Variants in NPAS1 observed in about 807,000 individuals in gnomAD.
NPAS1 encodes the protein neuronal PAS domain-containing protein 1.
A neutral mutation model predicts 49.2 loss-of-function variants in NPAS1; 29 were observed. The observed-to-expected ratio is 0.59, with a 90% CI of 0.44 to 0.80. The LOEUF (loss-of-function observed/expected upper bound fraction) is 0.80. NPAS1 is among the 30% of genes least tolerant of loss of function. The pLI is 0.00. For synonymous variants in NPAS1, 408 were observed against 380.4 expected, an observed-to-expected ratio of 1.07 and a Z score of -0.84; for missense variants, 825 against 835.5, an observed-to-expected ratio of 0.99 and a Z score of 0.15.
intron 3 of NPAS1, among the ~76,000 whole-genome samples, chr19:47,024,014 G>A (rs1250705325): frequency 6.6e-6 from 1 of 151,818 alleles, no homozygotes; most frequent in Non-Finnish European, 1.5e-5. Context: ...CTAAGGCAGG[G>A]GAATCACTTG....
rs1034254229 is a variant in NPAS1, at chr19:47,045,092, A to G, written c.1313-99A>G. On this transcript the variant is annotated intron_variant, in intron 11 of 11. Transcript: ENST00000602212. ...AAAAAAAAAACCCCACTCCCAGCTG[A>G]GAACTACAGGTCTGGCCCACTAAGC... is the stretch of plus-strand genomic sequence containing the variant. 5 of 1,140,852 alleles carry G rather than the reference A, an allele frequency of 4.4e-6. No homozygotes were observed. In the African/African-American group the frequency reaches 6.4e-5, roughly 15 times the overall value. The allele number at this position is 1,140,852 out of a possible 1,614,324, so 70.7% of individuals were successfully genotyped here. A position where few individuals can be genotyped will look rare whatever the true frequency, so the allele number is the denominator to read the frequency against.
intron 6 of NPAS1, among the ~76,000 whole-genome samples, chr19:47,037,338 CAAAAA>C (rs869125845): frequency 1.9e-3 from 98 of 51,774 alleles, no homozygotes; most frequent in Middle Eastern, 9.3e-3. Context: ...ACTCCGTCTC[CAAAAA>C]AAAAAAAAAA....
rs779458229 is a variant in NPAS1, at chr19:47,021,214, C to T, written c.122+45C>T. 9.6e-5 allele frequency: 139 copies of T among 1,452,420 alleles called. No homozygotes were observed. The highest frequency in any genetic ancestry group is 1.2e-4 in the Non-Finnish European group (131 of 1,088,896). The allele number at this position is 1,452,420 out of a possible 1,614,324, so 90.0% of individuals were successfully genotyped here. ...CCTGGCCGCGGGCCCCCCCCCGGGT[C>T]CAATTCACACCCGATGTTCTGTCCC... is the stretch of plus-strand genomic sequence containing the variant. On this transcript the variant is annotated intron_variant, in intron 2 of 11. Coordinates refer to ENST00000602212, the MANE Select transcript of NPAS1 (RefSeq NM_002517.4). The surrounding 1 kb of genome is among the most constrained non-coding windows in gnomAD (Gnocchi z 5.7).
intron 3 of NPAS1, among the ~76,000 whole-genome samples, chr19:47,025,949 G>GT (rs199944883): frequency 0.056 from 8,301 of 147,040 alleles, 281 homozygotes; most frequent in East Asian, 0.15. Context: ...TTTGTTTTTT[G>GT]TTTTTTTTGA....
chr19:47,021,545 C>T lies in NPAS1; in HGVS notation c.123-67C>T, dbSNP rs2056841161. ...TCCCAAGGCCCCGGGAGGCGGGGCT[C>T]GCCCCCAGTTCCCAAGCCCCTGAGC... On this transcript the variant is annotated intron_variant, in intron 2 of 11. Coordinates refer to ENST00000602212, the MANE Select transcript of NPAS1 (RefSeq NM_002517.4). This position sits in a 1 kb window ranked among gnomAD's most constrained non-coding sequence, Gnocchi z 5.7. The T allele has an allele frequency of 1.8e-6, 2 of 1,108,766 alleles. No homozygotes were observed. The highest frequency in any genetic ancestry group is 2.4e-6 in the Non-Finnish European group (2 of 818,956). 68.7% of individuals were successfully genotyped at this position (1,108,766 alleles called of 1,614,324 possible). A position where few individuals can be genotyped will look rare whatever the true frequency, so the allele number is the denominator to read the frequency against.
chr19:47,035,913 T>TA (rs2056948942), intron 5 of NPAS1, 51 bp from the exon 6 acceptor site: 1 of 1,462,172 alleles, frequency 6.8e-7, no homozygotes, highest in Middle Eastern at 2.2e-4. Context: ...GCGAGCGAGT[T>TA]ACTGCGCGCG....
At chr19:47,036,423 C>T (rs533139886) in intron 6 of NPAS1, among the ~76,000 whole-genome samples, 1 of 152,334 alleles carries the variant, frequency 6.6e-6, no homozygotes, top group East Asian at 1.9e-4. Flanking sequence ...CCGGCTGTGT[C>T]TGTAAGTGCA....
chr19:47,020,790 G>C (rs1356213951), intron 1 of NPAS1: 14 of 301,918 alleles, frequency 4.6e-5, no homozygotes, highest in Non-Finnish European at 7.3e-5. Flanking sequence ...CGGGCGGCGC[G>C]GGGGAGGCGG....
rs759280181 is a variant in NPAS1 at position 47,021,065 on chromosome 19, C to A, written c.18C>A (p.Pro6=). MAAPY[P]GSGGGSEVKC... is the part of the protein sequence containing the mutation. ...CCCCGGAGATGGCGGCCCCCTATCC[C>A]GGCAGTGGCGGCGGAAGCGAGGTCA... Residue 6 remains proline (P), a synonymous_variant, in exon 2 of 12, where the codon CCC becomes CCA. Coordinates refer to ENST00000602212, the MANE Select transcript of NPAS1 (RefSeq NM_002517.4). The surrounding 1 kb of genome is among the most constrained non-coding windows in gnomAD (Gnocchi z 5.7). The A allele has an allele frequency of 1.2e-6, 2 of 1,606,302 alleles. No individual in the cohort carries two copies. The highest frequency in any genetic ancestry group is 2.7e-5 in the African/African-American group (2 of 74,312).
chr19:47,021,634 A>T lies in NPAS1; in HGVS notation c.145A>T (p.Lys49Ter). 1 of 1,539,312 alleles carries T rather than the reference A, an allele frequency of 6.5e-7. No homozygotes were observed. Residue 49 changes from lysine (K) to a stop codon, truncating the protein, a stop_gained, in exon 3 of 12, where the codon AAG (lysine) becomes TAG (stop). Transcript: ENST00000602212. LOFTEE classifies it high-confidence loss of function. The surrounding 1 kb of genome is among the most constrained non-coding windows in gnomAD (Gnocchi z 5.7). ...GPCLQAQRKE[K>*]SRNAARSRRG... is the part of the protein sequence containing the mutation. The stretch of plus-strand genomic sequence containing the variant: ...CAGCCTGCAGGCGCAGCGCAAGGAG[A>T]AGTCCCGGAACGCGGCGCGCTCGCG...
chr19:47,032,870 CCTTGGCACCCCA>C (rs1338628392), intron 5 of NPAS1, 138 bp downstream of exon 5: 2 of 651,242 alleles, frequency 3.1e-6, no homozygotes, highest in Admixed American at 2.4e-5. Flanking sequence ...AAAGTGTGTT[CCTTGGCACCCCA>C]CATGGCACCC....
In NPAS1 at chr19:47,041,070, G is replaced by A; in HGVS notation, c.1162G>A (p.Gly388Arg). The change falls in exon 10 of 12, where the codon GGG (glycine) becomes AGG (arginine). Residue 388 changes from glycine to arginine, a missense_variant. Coordinates refer to ENST00000602212, the MANE Select transcript of NPAS1 (RefSeq NM_002517.4). ...VWLQSVATVAGSGKSPGEHHV... is the reference protein window; with the variant it reads ...VWLQSVATVARSGKSPGEHHV... ...GCTGCAGTCTGTGGCCACAGTGGCT[G>A]GGAGCGGGAAGAGCCCCGGGGAGCA... The A allele has an allele frequency of 1.9e-6, 3 of 1,596,718 alleles. No individual in the cohort carries two copies. The highest frequency in any genetic ancestry group is 2.6e-6 in the Non-Finnish European group (3 of 1,174,206).
chr19:47,039,356 G>T, intron 7 of NPAS1, 51 bp from the exon 8 acceptor site: 1 of 1,602,270 alleles, frequency 6.2e-7, no homozygotes. Flanking sequence ...TGGTCCTCTT[G>T]CCCCCACTGG....
chr19:47,022,210 A>T (rs1185283346), intron 3 of NPAS1, among the ~76,000 whole-genome samples: 3 of 152,276 alleles, frequency 2.0e-5, no homozygotes. Flanking sequence ...TGGGACGCCC[A>T]TTCGCTAATG....
intron 5 of NPAS1, among the ~76,000 whole-genome samples, chr19:47,035,670 G>A (rs1446069461): frequency 1.1e-4 from 17 of 152,070 alleles, no homozygotes; most frequent in Admixed American, 1.1e-3. Flanking sequence ...GCAGGAGTTG[G>A]GTAAACGGAG....
intron 3 of NPAS1, among the ~76,000 whole-genome samples, chr19:47,026,834 C>G (rs11670230): frequency 2.6e-5 from 4 of 151,974 alleles, no homozygotes; most frequent in East Asian, 1.9e-4. Flanking sequence ...GGTGCCTGTA[C>G]TCCCAGCTAC....
chr19:47,021,363 G>C lies in NPAS1; in HGVS notation c.122+194G>C, dbSNP rs2056839992. ...GTTCTGCTTCTAGTCCCGGTCCTCA[G>C]AATTCACGCCCAACATCTTTAATCT... On this transcript the variant is annotated intron_variant, in intron 2 of 11. Coordinates refer to ENST00000602212, the MANE Select transcript of NPAS1 (RefSeq NM_002517.4). This position sits in a 1 kb window ranked among gnomAD's most constrained non-coding sequence, Gnocchi z 5.7. Among the ~76,000 whole-genome samples the C allele has an allele frequency of 6.6e-6, 1 of 152,244 alleles. No individual in the cohort carries two copies. Among genetic ancestry groups the C allele is most frequent in the African/African-American group, 2.4e-5 (1 of 41,462 alleles).
intron 3 of NPAS1, among the ~76,000 whole-genome samples, chr19:47,028,254 G>T (rs986753359): frequency 6.6e-6 from 1 of 152,154 alleles, no homozygotes; most frequent in Non-Finnish European, 1.5e-5. Flanking sequence ...CACCCGGCTG[G>T]TTCCGAGCTG....
At chr19:47,029,161 A>G (rs928698199) in intron 3 of NPAS1, among the ~76,000 whole-genome samples, 2 of 151,816 alleles carry the variant, frequency 1.3e-5, no homozygotes, top group Admixed American at 6.6e-5. Context: ...GGCTCACTGC[A>G]ACCTCTGCCT....
Sources: gnomAD v4.1 joint callset for allele counts (sites outside exome capture counted in the v4.1 genomes callset) on GRCh38, gnomAD v4.1.1 for gene constraint, Gnocchi (gnomAD v3.1) non-coding constraint, MANE v1.5 for transcripts, NCBI Gene and HGNC (gene_info 2026-07-23, HGNC 2026-07-21) for gene names.